The following GPR132 variants were observed in gnomAD, a reference collection of about 807,000 sequenced individuals.
The protein encoded by GPR132 is probable G protein-coupled receptor 132.
A neutral mutation model predicts 1.9 loss-of-function variants in GPR132; 4 were observed. The ratio of observed to expected loss-of-function variants is 2.13; its 90% confidence interval spans 1.05 to 4.87. The LOEUF (loss-of-function observed/expected upper bound fraction) is 4.87, where lower values mean the gene tolerates loss of function less well. Among genes scored for constraint, GPR132 ranks in the 30% most tolerant of loss-of-function variants. The probability of loss-of-function intolerance (pLI) is 0.01; values close to 1 mark genes in which losing one functional copy is unlikely to be tolerated. For synonymous variants in GPR132, 233 were observed against 234.2 expected, an observed-to-expected ratio of 0.99 and a Z score of 0.05; for missense variants, 404 against 512.5, an observed-to-expected ratio of 0.79 and a Z score of 2.04.
At position 105,051,555 on chromosome 14, in the gene GPR132, G is replaced by A; in HGVS notation, c.582C>T (p.Ser194=). 2 of 1,614,020 alleles carry A rather than the reference G, an allele frequency of 1.2e-6. No homozygotes were observed. Among genetic ancestry groups the A allele is most frequent in the African/African-American group, 1.3e-5 (1 of 75,056 alleles). The change falls in exon 4 of 4, where the codon AGC becomes AGT. Residue 194 remains serine (S), a synonymous_variant. Coordinates refer to ENST00000329797, the MANE Select transcript of GPR132 (RefSeq NM_013345.4). The surrounding 1 kb of genome is among the most constrained non-coding windows in gnomAD (Gnocchi z 8.0). ...ETCFDMLQMD[S]RIAGYYYARF... is the part of the protein sequence containing the mutation. ...TGGCGTAGTAGTACCCGGCAATCCT[G>A]CTGTCCATCTGCAGCATGTCAAAGC...
Position 105,060,096 on chromosome 14 carries a change from CCT to C in GPR132, c.-860-2818_-860-2817del, listed in dbSNP as rs1263762811. ...TGCTCCCTGCATCTCGGGCCAGCCCCCTGAGTGGAGATGGTGGGGCAGCGCTG... is the reference window on the plus strand; with the variant it reads ...TGCTCCCTGCATCTCGGGCCAGCCCCGAGTGGAGATGGTGGGGCAGCGCTG... On this transcript the variant is annotated intron_variant, in intron 1 of 3. Transcript: ENST00000329797. The surrounding 1 kb of genome is among the most constrained non-coding windows in gnomAD (Gnocchi z 6.3). Among the ~76,000 whole-genome samples, 1 of 152,222 alleles carries C rather than the reference CCT, an allele frequency of 6.6e-6. No individual in the cohort carries two copies. The highest frequency in any genetic ancestry group is 1.5e-5 in the Non-Finnish European group (1 of 68,044).
Position 105,055,357 on chromosome 14 carries a change from G to A in GPR132, c.34+30C>T. On this transcript the variant is annotated intron_variant, in intron 3 of 3. Coordinates refer to ENST00000329797, the MANE Select transcript of GPR132 (RefSeq NM_013345.4). The surrounding 1 kb of genome is among the most constrained non-coding windows in gnomAD (Gnocchi z 4.7). ...AAAAAAATTGAAAAAGTGGAAAATT[G>A]TGGCAAAATACACATAACAAGGAAT... is the stretch of plus-strand genomic sequence containing the variant. The A allele has an allele frequency of 1.3e-6, 1 of 780,822 alleles. No individual in the cohort carries two copies. Among genetic ancestry groups the A allele is most frequent in the African/African-American group, 1.7e-5 (1 of 59,246 alleles). 48.4% of individuals were successfully genotyped at this position (780,822 alleles called of 1,614,324 possible).
At position 105,051,380 on chromosome 14, in the gene GPR132, C is replaced by A; in HGVS notation, c.757G>T (p.Val253Phe). Reference sequence around the variant, plus strand: ...ACCAGGTGGTACGGGGCGAAGCAGACTAGGAAGATGACAACCACCGCGATG... The same window carrying A: ...ACCAGGTGGTACGGGGCGAAGCAGAATAGGAAGATGACAACCACCGCGATG... The part of the protein sequence containing the change: ...SAIAVVVIFL[V>F]CFAPYHLVLL... The change falls in exon 4 of 4, where the codon GTC becomes TTC. Residue 253 changes from valine (V) to phenylalanine (F), a missense_variant. Physicochemically the swap from Val to Phe is conservative, Grantham distance 50. Transcript: ENST00000329797. The surrounding 1 kb of genome is among the most constrained non-coding windows in gnomAD (Gnocchi z 8.0). The A allele has an allele frequency of 6.2e-7, 1 of 1,614,020 alleles. No individual in the cohort carries two copies. The highest frequency in any genetic ancestry group is 8.5e-7 in the Non-Finnish European group (1 of 1,179,946).
intron 3 of GPR132, chr14:105,054,446 C>T (rs1242094265): frequency 2.6e-6 from 2 of 773,968 alleles, no homozygotes; most frequent in African/African-American, 2.1e-5. Flanking sequence ...TTTTTTGAGA[C>T]GTAGTCTCAA....
chr14:105,052,946 T>A (rs1886690570), intron 3 of GPR132, among the ~76,000 whole-genome samples: 1 of 147,662 alleles, frequency 6.8e-6, no homozygotes, highest in African/African-American at 2.5e-5. Flanking sequence ...GCAACAAGAG[T>A]GAGACTCCTT....
chr14:105,061,399 G>A (rs1038964911), intron 1 of GPR132, among the ~76,000 whole-genome samples: 1 of 152,206 alleles, frequency 6.6e-6, no homozygotes, highest in Non-Finnish European at 1.5e-5. Context: ...TCCTTTTGCC[G>A]CACCTGCTAC....
Position 105,056,834 on chromosome 14 carries a change from G to A in GPR132, c.-747+333C>T, listed in dbSNP as rs1886809074. Among the ~76,000 whole-genome samples the A allele has an allele frequency of 6.6e-6, 1 of 152,238 alleles. No individual in the cohort carries two copies. Among genetic ancestry groups the A allele is most frequent in the Non-Finnish European group, 1.5e-5 (1 of 68,042 alleles). On this transcript the variant is annotated intron_variant, in intron 2 of 3. Transcript: ENST00000329797. This position sits in a 1 kb window ranked among gnomAD's most constrained non-coding sequence, Gnocchi z 6.0. Reference sequence around the variant, plus strand: ...GGCACCAGGAGACGCATGGATGCGGGGGGCTGGTGGTCAGCTCCTCATGGC... The same window carrying A: ...GGCACCAGGAGACGCATGGATGCGGAGGGCTGGTGGTCAGCTCCTCATGGC...
rs1326519495 is a variant in GPR132, at chr14:105,056,278, C to CG, written c.-746-113dup. The CG allele has an allele frequency of 2.2e-6, 1 of 455,772 alleles. No individual in the cohort carries two copies. Among genetic ancestry groups the CG allele is most frequent in the Non-Finnish European group, 2.9e-6 (1 of 345,748 alleles). The allele number at this position is 455,772 out of a possible 1,614,324, so 28.2% of individuals were successfully genotyped here. On this transcript the variant is annotated intron_variant, in intron 2 of 3. Coordinates refer to ENST00000329797, the MANE Select transcript of GPR132 (RefSeq NM_013345.4). The surrounding 1 kb of genome is among the most constrained non-coding windows in gnomAD (Gnocchi z 6.0). The stretch of plus-strand genomic sequence containing the variant: ...GGCGGGGGGCAGTGAAGGCAGTTCT[C>CG]GGGTGGGAGGCCCAACGCCTGTGTT...
intron 1 of GPR132, among the ~76,000 whole-genome samples, chr14:105,058,780 C>T (rs142094471): frequency 5.2e-4 from 79 of 152,336 alleles, no homozygotes; most frequent in African/African-American, 1.5e-3. Flanking sequence ...TGGCGCAAGG[C>T]GCCCAGGGGC....
intron 3 of GPR132, among the ~76,000 whole-genome samples, chr14:105,053,147 CTTT>C (rs1162515395): frequency 2.0e-5 from 2 of 98,986 alleles, no homozygotes; most frequent in Non-Finnish European, 3.8e-5. Context: ...AACCTGTAGT[CTTT>C]TTTTTTTTTT....
Position 105,056,999 on chromosome 14 carries a change from T to C in GPR132, c.-747+168A>G, listed in dbSNP as rs544192363. On this transcript the variant is annotated intron_variant, in intron 2 of 3. Transcript: ENST00000329797. This position sits in a 1 kb window ranked among gnomAD's most constrained non-coding sequence, Gnocchi z 6.0. Reference sequence around the variant, plus strand: ...CTTCACGAAAGAATTATGAAATCAGTCCTTCATTTCTCCATGTAGCACCTC... The same window carrying C: ...CTTCACGAAAGAATTATGAAATCAGCCCTTCATTTCTCCATGTAGCACCTC... 1.3e-5 allele frequency among the ~76,000 whole-genome samples: 2 copies of C among 152,362 alleles called. No individual in the cohort carries two copies. The highest frequency in any genetic ancestry group is 2.9e-5 in the Non-Finnish European group (2 of 68,032).
chr14:105,062,540 CTTT>C (rs59869492), intron 1 of GPR132, among the ~76,000 whole-genome samples: 7 of 128,682 alleles, frequency 5.4e-5, no homozygotes, highest in East Asian at 2.2e-4. Flanking sequence ...CTTTTCTTTT[CTTT>C]TTTTTTTTTT....
At position 105,057,303 on chromosome 14, in the gene GPR132, T is replaced by C. The variant is rs561241666; in HGVS notation, c.-860-23A>G. 6 of 701,826 alleles carry C rather than the reference T, an allele frequency of 8.5e-6. No individual in the cohort carries two copies. The Admixed American group carries it at 9.2e-5, about 11-fold the overall frequency. The allele number at this position is 701,826 out of a possible 1,614,324, so 43.5% of individuals were successfully genotyped here. On this transcript the variant is annotated intron_variant, in intron 1 of 3. Coordinates refer to ENST00000329797, the MANE Select transcript of GPR132 (RefSeq NM_013345.4). The stretch of plus-strand genomic sequence containing the variant: ...GACCTGGAAAAAGAGTAGGTTGAAA[T>C]TGTTTTAGGGAAATCAGATTGAGTC...
In GPR132 at chr14:105,060,045, T is replaced by C. The variant is rs564989911; in HGVS notation, c.-860-2765A>G. ...TGGGCTACCCATTCTGCCACCACCC[T>C]GCCACTGGCTGGAGTAAGTATGCAC... On this transcript the variant is annotated intron_variant, in intron 1 of 3. Transcript: ENST00000329797. The surrounding 1 kb of genome is among the most constrained non-coding windows in gnomAD (Gnocchi z 6.3). 1.1e-3 allele frequency among the ~76,000 whole-genome samples: 161 copies of C among 152,356 alleles called. 2 individuals carry two copies. In the South Asian group the frequency reaches 0.017, roughly 16 times the overall value.
chr14:105,052,277 C>G (rs1886671258), intron 3 of GPR132, among the ~76,000 whole-genome samples, 175 bp from the exon 4 acceptor site: 1 of 152,216 alleles, frequency 6.6e-6, no homozygotes, highest in Non-Finnish European at 1.5e-5. Flanking sequence ...GATCTCCAAC[C>G]TAGCAGCGTC....
intron 3 of GPR132, among the ~76,000 whole-genome samples, 197 bp from the exon 4 acceptor site, chr14:105,052,299 A>G (rs1448927270): frequency 6.6e-6 from 1 of 152,204 alleles, no homozygotes; most frequent in Non-Finnish European, 1.5e-5. Context: ...TGGACAAAGA[A>G]TGCAGGCTGG....
intron 1 of GPR132, 117 bp from the exon 2 acceptor site, chr14:105,057,397 G>T (rs1886824454): frequency 1.9e-6 from 1 of 514,860 alleles, no homozygotes; most frequent in East Asian, 3.2e-5. Context: ...TTGATTCGTA[G>T]GTGTTTTTTA....
In GPR132 at chr14:105,056,465, C is replaced by T. The variant is rs938814070; in HGVS notation, c.-746-299G>A. ...TGGGAGGCAGAGCCAGAATCCAAAA[C>T]ACAAGGGGAGATGCAGGCAAGACCC... On this transcript the variant is annotated intron_variant, in intron 2 of 3. Coordinates refer to ENST00000329797, the MANE Select transcript of GPR132 (RefSeq NM_013345.4). The surrounding 1 kb of genome is among the most constrained non-coding windows in gnomAD (Gnocchi z 6.0). Among the ~76,000 whole-genome samples the T allele has an allele frequency of 1.1e-4, 16 of 152,214 alleles. No homozygotes were observed. Among genetic ancestry groups the T allele is most frequent in the African/African-American group, 3.4e-4 (14 of 41,450 alleles).
intron 1 of GPR132, chr14:105,058,036 G>C (rs1048655450): frequency 1.3e-5 from 2 of 152,142 alleles, no homozygotes; most frequent in African/African-American, 4.8e-5. Flanking sequence ...AGCTGGGAGA[G>C]AAAAGAAAGT....
Sources: allele counts gnomAD v4.1 joint callset (sites outside exome capture counted in the v4.1 genomes callset), GRCh38; gene constraint gnomAD v4.1.1; non-coding constraint Gnocchi (gnomAD v3.1); transcripts MANE v1.5; gene names NCBI Gene and HGNC (gene_info 2026-07-23, HGNC 2026-07-21).